Variants in FAM135B observed in about 807,000 individuals in gnomAD.
FAM135B encodes protein FAM135B.
A neutral mutation model predicts 127.7 loss-of-function variants in FAM135B; 43 were observed. That is an observed-to-expected ratio of 0.34 (90% CI 0.26 to 0.43). FAM135B has a LOEUF of 0.43. Ranked by LOEUF, FAM135B falls within the 20% of genes least tolerant of loss-of-function variation. The pLI is 1.00. For missense variants in FAM135B, 1,558 were observed against 1,725.6 expected (o/e 0.90, Z 1.72); for synonymous variants, 670 against 665.1 (o/e 1.01, Z -0.11).
chr8:138,147,211 A>G (rs917062146), intron 14 of FAM135B, among the ~76,000 whole-genome samples: 1 of 151,986 alleles, frequency 6.6e-6, no homozygotes, highest in Non-Finnish European at 1.5e-5. Flanking sequence ...TGTCAGTAAA[A>G]TTAGGCTCTT....
chr8:138,409,383 G>T (rs955613385), intron 1 of FAM135B, among the ~76,000 whole-genome samples: 1 of 152,042 alleles, frequency 6.6e-6, no homozygotes, highest in Non-Finnish European at 1.5e-5. Flanking sequence ...CATCAAAGAA[G>T]ACTAATCATG....
At chr8:138,361,204 G>T (rs993267552) in intron 2 of FAM135B, among the ~76,000 whole-genome samples, 2 of 152,102 alleles carry the variant, frequency 1.3e-5, no homozygotes, top group Non-Finnish European at 2.9e-5. Flanking sequence ...GGGATTACAG[G>T]TGTGAGCCAC....
chr8:138,303,665 T>C (rs1826041979), intron 3 of FAM135B, among the ~76,000 whole-genome samples: 1 of 152,032 alleles, frequency 6.6e-6, no homozygotes, highest in Non-Finnish European at 1.5e-5. Context: ...TCACAACAAA[T>C]GTGATTTCTA....
rs894101500 is a variant in FAM135B at position 138,241,312 on chromosome 8, T to C, written c.669+1630A>G. On this transcript the variant is annotated intron_variant, in intron 7 of 19. Transcript: ENST00000395297. The surrounding 1 kb of genome is among the most constrained non-coding windows in gnomAD (Gnocchi z 4.8). Reference sequence around the variant, plus strand: ...GGTTCTGAGAAGCTCAGTGGTTGACTGAAGTTCTGCATCTACAAGTCACCG... The same window carrying C: ...GGTTCTGAGAAGCTCAGTGGTTGACCGAAGTTCTGCATCTACAAGTCACCG... Among the ~76,000 whole-genome samples, 1 of 152,196 alleles carries C rather than the reference T, an allele frequency of 6.6e-6. No individual in the cohort carries two copies. Among genetic ancestry groups the C allele is most frequent in the Non-Finnish European group, 1.5e-5 (1 of 68,032 alleles).
chr8:138,305,908 T>C (rs1826215864), intron 3 of FAM135B, among the ~76,000 whole-genome samples: 1 of 152,188 alleles, frequency 6.6e-6, no homozygotes, highest in Non-Finnish European at 1.5e-5. Context: ...TGAAATTATA[T>C]ACACACATGC....
intron 9 of FAM135B, among the ~76,000 whole-genome samples, chr8:138,182,388 C>T (rs1050930522): frequency 2.6e-5 from 4 of 152,142 alleles, no homozygotes; most frequent in Non-Finnish European, 4.4e-5. Flanking sequence ...CAGCCCAGAG[C>T]TGTCATAGCT....
rs1819635728 is a variant in FAM135B at position 138,228,318 on chromosome 8, G to A, written c.669+14624C>T. Reference sequence around the variant, plus strand: ...AATCGGAATCTTTAGGTGTAGGGCTGAGGTTTGCATAATTTAAGAGACTCC... The same window carrying A: ...AATCGGAATCTTTAGGTGTAGGGCTAAGGTTTGCATAATTTAAGAGACTCC... On this transcript the variant is annotated intron_variant, in intron 7 of 19. Coordinates refer to ENST00000395297, the MANE Select transcript of FAM135B (RefSeq NM_015912.4). Among the ~76,000 whole-genome samples, 3 of 151,976 alleles carry A rather than the reference G, an allele frequency of 2.0e-5. No individual in the cohort carries two copies. In the South Asian group the frequency reaches 6.2e-4, roughly 31 times the overall value.
intron 12 of FAM135B, among the ~76,000 whole-genome samples, chr8:138,158,580 T>TA (rs1449476605): frequency 6.6e-6 from 1 of 152,012 alleles, no homozygotes. Flanking sequence ...ACAAAGAACT[T>TA]AAACAAATTT....
At chr8:138,206,626 A>ACTCTATCATCCCCTCGATCTATGCACAG (rs1817672127) in intron 7 of FAM135B, among the ~76,000 whole-genome samples, 1 of 58,522 alleles carries the variant, frequency 1.7e-5, no homozygotes, top group Non-Finnish European at 3.6e-5. Context: ...CCTACACACA[A>ACTCTATCATCCCCTCGATCTATGCACAG]CTCTATCATC....
At chr8:138,217,426 A>ATTT (rs1374641818) in intron 7 of FAM135B, among the ~76,000 whole-genome samples, 2 of 135,116 alleles carry the variant, frequency 1.5e-5, no homozygotes, top group African/African-American at 5.8e-5. Context: ...GTTCTCTGAT[A>ATTT]TATTTCTTTT....
At chr8:138,303,449 A>C (rs1006744681) in intron 3 of FAM135B, among the ~76,000 whole-genome samples, 6 of 152,002 alleles carry the variant, frequency 3.9e-5, no homozygotes, top group African/African-American at 1.5e-4. Flanking sequence ...GCAGGGGGCA[A>C]GGGGAGGGAG....
At chr8:138,268,541 T>A (rs1823124159) in intron 3 of FAM135B, among the ~76,000 whole-genome samples, 1 of 152,110 alleles carries the variant, frequency 6.6e-6, no homozygotes, top group Non-Finnish European at 1.5e-5. Flanking sequence ...GGCTCACCAA[T>A]CGCAAGACAC....
At chr8:138,479,557 C>T (rs1814689787) in intron 1 of FAM135B, among the ~76,000 whole-genome samples, 2 of 152,114 alleles carry the variant, frequency 1.3e-5, no homozygotes, top group South Asian at 2.1e-4. Flanking sequence ...AGGAGCTCTG[C>T]GTCCATAACT....
chr8:138,478,729 G>A (rs139759940), intron 1 of FAM135B, among the ~76,000 whole-genome samples: 104 of 152,274 alleles, frequency 6.8e-4, no homozygotes, highest in Middle Eastern at 3.4e-3. Flanking sequence ...AAATAATAAG[G>A]GCCTTGCCCT....
At chr8:138,171,557 G>T (rs1381979007) in intron 11 of FAM135B, among the ~76,000 whole-genome samples, 6 of 152,228 alleles carry the variant, frequency 3.9e-5, no homozygotes, top group African/African-American at 1.4e-4. Flanking sequence ...CTCCCATACA[G>T]TGAACAGTAT....
intron 8 of FAM135B, among the ~76,000 whole-genome samples, chr8:138,196,337 CAA>C (rs1816624133): frequency 6.6e-6 from 1 of 152,138 alleles, no homozygotes; most frequent in Non-Finnish European, 1.5e-5. Context: ...TTGCATGATT[CAA>C]AGAGTAGTGC....
At chr8:138,464,885 C>T (rs967211519) in intron 1 of FAM135B, among the ~76,000 whole-genome samples, 6 of 152,178 alleles carry the variant, frequency 3.9e-5, no homozygotes, top group Non-Finnish European at 8.8e-5. Context: ...TACCTTGGCA[C>T]TTTGAATTTA....
chr8:138,261,013 T>G (rs1203230616), intron 4 of FAM135B, among the ~76,000 whole-genome samples: 6 of 152,144 alleles, frequency 3.9e-5, no homozygotes, highest in Admixed American at 3.9e-4. Context: ...TGCCTTCTAC[T>G]TTACTGCTTT....
chr8:138,416,251 C>T (rs1834142507), intron 1 of FAM135B, among the ~76,000 whole-genome samples: 1 of 152,176 alleles, frequency 6.6e-6, no homozygotes, highest in African/African-American at 2.4e-5. Context: ...GAGCTTAAGT[C>T]AAACAGACCA....
Sources: gnomAD v4.1 joint callset for allele counts (sites outside exome capture counted in the v4.1 genomes callset) on GRCh38, gnomAD v4.1.1 for gene constraint, Gnocchi (gnomAD v3.1) non-coding constraint, MANE v1.5 for transcripts, NCBI Gene and HGNC (gene_info 2026-07-23, HGNC 2026-07-21) for gene names.